Variants in SLC41A2 observed in about 807,000 individuals in gnomAD.
The protein encoded by SLC41A2 is solute carrier family 41 member 2.
In SLC41A2, 32 loss-of-function variants were observed where a neutral mutation model predicts 58.3. The ratio of observed to expected loss-of-function variants is 0.55; its 90% CI spans 0.41 to 0.74. SLC41A2 has a LOEUF of 0.74. Ranked by LOEUF, SLC41A2 falls within the 30% of genes least tolerant of loss-of-function variation. The probability of loss-of-function intolerance (pLI) is 0.00; values close to 1 mark genes in which losing one functional copy is unlikely to be tolerated. For synonymous variants in SLC41A2, 190 were observed against 235.0 expected (o/e 0.81, Z 1.75); for missense variants, 514 against 680.6 (o/e 0.76, Z 2.72).
At chr12:104,853,911 A>ATTATTATTTTTTTTTTTTTTTTTTTTT in intron 8 of SLC41A2, among the ~76,000 whole-genome samples, 1 of 59,494 alleles carries the variant, frequency 1.7e-5, no homozygotes, top group Non-Finnish European at 3.2e-5. Context: ...TGCCTGGCTG[A>ATTATTATTTTTTTTTTTTTTTTTTTTT]TTTTTTTTTT....
At chr12:104,855,857 A>T (rs1481781489) in intron 8 of SLC41A2, among the ~76,000 whole-genome samples, 3 of 152,196 alleles carry the variant, frequency 2.0e-5, no homozygotes, top group Non-Finnish European at 4.4e-5. Flanking sequence ...CACAGGAAAC[A>T]CCAAAGGGCA....
intron 10 of SLC41A2, among the ~76,000 whole-genome samples, chr12:104,843,854 TA>T (rs1239924002): frequency 2.0e-5 from 3 of 152,182 alleles, no homozygotes; most frequent in Admixed American, 6.5e-5. Flanking sequence ...AAAGCACTTA[TA>T]ATGCTTCTGA....
At chr12:104,935,302 AC>A (rs1370775761) in intron 1 of SLC41A2, among the ~76,000 whole-genome samples, 2 of 152,086 alleles carry the variant, frequency 1.3e-5, no homozygotes, top group Non-Finnish European at 2.9e-5. Context: ...TATGTTGACC[AC>A]AGTTAATAAT....
At chr12:104,846,200 GC>G (rs1403806893) in intron 8 of SLC41A2, among the ~76,000 whole-genome samples, 1 of 152,120 alleles carries the variant, frequency 6.6e-6, no homozygotes, top group Non-Finnish European at 1.5e-5. Context: ...TGGTATGCAA[GC>G]AGACCAGAGC....
intron 8 of SLC41A2, among the ~76,000 whole-genome samples, chr12:104,857,536 A>G (rs1490182122): frequency 6.6e-6 from 1 of 152,202 alleles, no homozygotes; most frequent in Non-Finnish European, 1.5e-5. Context: ...TCATGCTGCT[A>G]TAAAGACACA....
chr12:104,951,573 CA>C (rs953127145), intron 1 of SLC41A2: 1 of 152,060 alleles, frequency 6.6e-6, no homozygotes, highest in East Asian at 1.9e-4. Flanking sequence ...TTGGGTTTCA[CA>C]ATTTAATTCT....
At chr12:104,877,631 C>T (rs974369940) in intron 6 of SLC41A2, among the ~76,000 whole-genome samples, 4 of 151,890 alleles carry the variant, frequency 2.6e-5, no homozygotes, top group Admixed American at 2.0e-4. Flanking sequence ...TTCGAAATAC[C>T]GAAAGCTTTA....
At chr12:104,833,428 T>C (rs999428765) in intron 10 of SLC41A2, among the ~76,000 whole-genome samples, 1 of 152,168 alleles carries the variant, frequency 6.6e-6, no homozygotes, top group African/African-American at 2.4e-5. Flanking sequence ...AAGCCATGCT[T>C]CTCTAAAACC....
At chr12:104,832,926 T>C (rs1348075052) in intron 10 of SLC41A2, among the ~76,000 whole-genome samples, 1 of 152,202 alleles carries the variant, frequency 6.6e-6, no homozygotes, top group East Asian at 1.9e-4. Context: ...CAAATGCTTT[T>C]GCACAGCTAT....
chr12:104,823,052 T>A (rs910755350), intron 10 of SLC41A2, among the ~76,000 whole-genome samples: 1 of 152,126 alleles, frequency 6.6e-6, no homozygotes, highest in East Asian at 1.9e-4. Flanking sequence ...TTAATTAACA[T>A]ATTGGAAAAA....
intron 3 of SLC41A2, among the ~76,000 whole-genome samples, chr12:104,899,716 A>C (rs2045467567): frequency 1.3e-5 from 2 of 152,100 alleles, no homozygotes; most frequent in Non-Finnish European, 2.9e-5. Context: ...ATGCTCTATC[A>C]GCTCCCAACT....
Position 104,805,124 on chromosome 12 carries a change from G to GT in SLC41A2, c.*27dup. 1.9e-6 allele frequency: 3 copies of GT among 1,543,168 alleles called. No homozygotes were observed. The highest frequency in any genetic ancestry group is 1.4e-5 in the African/African-American group (1 of 71,724). On this transcript the variant is annotated 3_prime_UTR_variant, in exon 11 of 11. Coordinates refer to ENST00000258538, the MANE Select transcript of SLC41A2 (RefSeq NM_001352171.3). ...TGGTTGTCGTGTATTTTCTTCCTTG[G>GT]TAACTTGAGAGCAGTTTGTAGAATT...
At chr12:104,889,886 G>A (rs797006339) in intron 4 of SLC41A2, among the ~76,000 whole-genome samples, 182 of 152,114 alleles carry the variant, frequency 1.2e-3, no homozygotes, top group African/African-American at 4.3e-3. Flanking sequence ...TTTCCACAGT[G>A]CTGACACAAA....
chr12:104,947,269 T>C (rs2047762264), intron 1 of SLC41A2, among the ~76,000 whole-genome samples: 2 of 146,308 alleles, frequency 1.4e-5, no homozygotes, highest in South Asian at 4.6e-4. Flanking sequence ...GGTGGTGCTA[T>C]CTCGGTTCAC....
intron 10 of SLC41A2, among the ~76,000 whole-genome samples, chr12:104,813,377 T>A (rs2041256600): frequency 6.6e-6 from 1 of 152,132 alleles, no homozygotes; most frequent in South Asian, 2.1e-4. Flanking sequence ...TGAGCATTAC[T>A]ACACTAGGAG....
intron 2 of SLC41A2, among the ~76,000 whole-genome samples, chr12:104,922,006 A>C (rs537890924): frequency 6.6e-6 from 1 of 152,286 alleles, no homozygotes; most frequent in African/African-American, 2.4e-5. Flanking sequence ...TGGTAACCAC[A>C]GTGTAAAAAT....
rs533710649 is a variant in SLC41A2 at position 104,895,850 on chromosome 12, T to C, written c.664-505A>G. 3.1e-4 allele frequency among the ~76,000 whole-genome samples: 47 copies of C among 152,306 alleles called. No homozygotes were observed. The South Asian group carries it at 6.0e-3, about 19-fold the overall frequency. Reference sequence around the variant, plus strand: ...GCAATAAAATTCATTGTTTACAAATTAATTTTGATCATGTACCGCAACTAT... The same window carrying C: ...GCAATAAAATTCATTGTTTACAAATCAATTTTGATCATGTACCGCAACTAT... On this transcript the variant is annotated intron_variant, in intron 3 of 10. Transcript: ENST00000258538.
Position 104,824,445 on chromosome 12 carries a change from C to G in SLC41A2, c.1537-19108G>C, listed in dbSNP as rs77257460. On this transcript the variant is annotated intron_variant, in intron 10 of 10. Transcript: ENST00000258538. ...GGAGAGCCCAGGCCTCCAAGCGGCC[C>G]GACTCCAGGGGAAAACCATCTCCCT... is the stretch of plus-strand genomic sequence containing the variant. 5.9e-3 allele frequency among the ~76,000 whole-genome samples: 897 copies of G among 152,224 alleles called. 17 individuals are homozygous for G. The highest frequency in any genetic ancestry group is 0.02 in the African/African-American group (843 of 41,528).
At chr12:104,842,314 G>A (rs948147793) in intron 10 of SLC41A2, among the ~76,000 whole-genome samples, 22 of 151,890 alleles carry the variant, frequency 1.4e-4, no homozygotes, top group African/African-American at 5.3e-4. Context: ...TATTCCATTA[G>A]AATAATGCAC....
Sources: gnomAD v4.1 joint callset for allele counts (sites outside exome capture counted in the v4.1 genomes callset) on GRCh38, gnomAD v4.1.1 for gene constraint, MANE v1.5 for transcripts, NCBI Gene and HGNC (gene_info 2026-07-23, HGNC 2026-07-21) for gene names.